Variants in LRRK1 observed in about 807,000 individuals in gnomAD.
LRRK1 encodes the protein leucine-rich repeat serine/threonine-protein kinase 1.
A neutral mutation model predicts 209.1 loss-of-function variants in LRRK1; 113 were observed. The observed-to-expected ratio is 0.54, with a 90% CI of 0.46 to 0.63. The LOEUF (loss-of-function observed/expected upper bound fraction) is 0.63, where lower values mean the gene tolerates loss of function less well. Ranked by LOEUF, LRRK1 falls within the 30% of genes least tolerant of loss-of-function variation. The probability of loss-of-function intolerance (pLI) is 0.00; values close to 1 mark genes in which losing one functional copy is unlikely to be tolerated. For synonymous variants in LRRK1, 1,144 were observed against 1,099.7 expected (o/e 1.04, Z -0.80); for missense variants, 2,284 against 2,632.2 (o/e 0.87, Z 2.89).
At chr15:101,021,753 GC>G in intron 13 of LRRK1, 91 bp from the exon 14 acceptor site, 1 of 860,844 alleles carries the variant, frequency 1.2e-6, no homozygotes, top group Admixed American at 2.3e-5. Context: ...GGCTGCAGAG[GC>G]TGACAGGAGC....
chr15:101,022,155 C>T lies in LRRK1; in HGVS notation c.1852+198C>T, dbSNP rs1398102489. On this transcript the variant is annotated intron_variant, in intron 14 of 33. Coordinates refer to ENST00000388948, the MANE Select transcript of LRRK1 (RefSeq NM_024652.6). The surrounding 1 kb of genome is among the most constrained non-coding windows in gnomAD (Gnocchi z 4.0). ...CTATACTGAGAAGGACCAGGTGATA[C>T]AACTGTGACCTCCTGGGCAGCAAGG... Among the ~76,000 whole-genome samples, 3 of 152,206 alleles carry T rather than the reference C, an allele frequency of 2.0e-5. No individual in the cohort carries two copies. The highest frequency in any genetic ancestry group is 4.4e-5 in the Non-Finnish European group (3 of 68,030).
At chr15:101,060,762 A>G (rs1360392006) in intron 29 of LRRK1, among the ~76,000 whole-genome samples, 1 of 151,334 alleles carries the variant, frequency 6.6e-6, no homozygotes, top group Non-Finnish European at 1.5e-5. Context: ...TCGTGCTGGG[A>G]GCACATTTTG....
In LRRK1 at chr15:100,924,074, G is replaced by A. The variant is rs568017473; in HGVS notation, c.-122-437G>A. 2.0e-4 allele frequency among the ~76,000 whole-genome samples: 30 copies of A among 152,308 alleles called. No individual in the cohort carries two copies. The South Asian group carries it at 5.2e-3, about 26-fold the overall frequency. On this transcript the variant is annotated intron_variant, in intron 1 of 33. Transcript: ENST00000388948. ...TCTGGCTTCCAGAAGAACTGGCCCC[G>A]GGCAAAAGGAGAGCCTTGTATCGTG...
chr15:101,012,889 C>T (rs1046686000), intron 10 of LRRK1, among the ~76,000 whole-genome samples: 9 of 151,166 alleles, frequency 6.0e-5, no homozygotes, highest in East Asian at 2.0e-4. Context: ...AGGAGCCACG[C>T]GGGGTGCCCC....
chr15:101,011,447 G>A (rs546046656), intron 9 of LRRK1, among the ~76,000 whole-genome samples: 1 of 147,618 alleles, frequency 6.8e-6, no homozygotes, highest in Admixed American at 6.9e-5. Flanking sequence ...TTGCACTCCA[G>A]TCTGGTGACA....
chr15:100,953,747 A>G (rs1162718506), intron 2 of LRRK1, among the ~76,000 whole-genome samples: 1 of 152,040 alleles, frequency 6.6e-6, no homozygotes, highest in Non-Finnish European at 1.5e-5. Context: ...TAATTTTTTG[A>G]GGAGCCTTCA....
At chr15:101,028,570 C>T (rs2034145974) in intron 19 of LRRK1, among the ~76,000 whole-genome samples, 1 of 152,254 alleles carries the variant, frequency 6.6e-6, no homozygotes, top group South Asian at 2.1e-4. Context: ...TCCTGTTCAG[C>T]CTCCGCTGGC....
chr15:100,925,452 A>G (rs2042093206), intron 2 of LRRK1, among the ~76,000 whole-genome samples: 1 of 152,206 alleles, frequency 6.6e-6, no homozygotes, highest in South Asian at 2.1e-4. Context: ...CCTGTGGGAC[A>G]TTTGGGTTGC....
At chr15:101,049,842 G>A (rs749687497) in intron 23 of LRRK1, 59 bp downstream of exon 23, 65 of 1,554,704 alleles carry the variant, frequency 4.2e-5, no homozygotes, top group African/African-American at 5.5e-5. Flanking sequence ...ATGAATCAGG[G>A]TGGGGCTGCT....
chr15:101,071,802 C>T lies in LRRK1; in HGVS notation c.*2954C>T, dbSNP rs897114208. ...CCAGTTGGGCAATTCGTGGCTTGGC[C>T]TAGGAACGTTACATTTGACTGAGGC... On this transcript the variant is annotated 3_prime_UTR_variant, in exon 34 of 34. Coordinates refer to ENST00000388948, the MANE Select transcript of LRRK1 (RefSeq NM_024652.6). 2 of 152,388 alleles carry T rather than the reference C, an allele frequency of 1.3e-5. No homozygotes were observed. The highest frequency in any genetic ancestry group is 4.8e-5 in the African/African-American group (2 of 41,588). 9.4% of individuals were successfully genotyped at this position (152,388 alleles called of 1,614,324 possible).
chr15:100,980,758 A>C (rs1399679536), intron 3 of LRRK1, among the ~76,000 whole-genome samples: 1 of 152,212 alleles, frequency 6.6e-6, no homozygotes, highest in Non-Finnish European at 1.5e-5. Context: ...AACTGGCAAT[A>C]GTTAATCTGT....
intron 1 of LRRK1, 133 bp from the exon 2 acceptor site, chr15:100,924,378 G>C: frequency 6.1e-6 from 3 of 489,406 alleles, no homozygotes; most frequent in Admixed American, 3.3e-5. Context: ...CACACCTGAT[G>C]GGTTTGGCTG....
At chr15:101,004,060 T>C (rs1014663369) in intron 6 of LRRK1, among the ~76,000 whole-genome samples, 4 of 152,190 alleles carry the variant, frequency 2.6e-5, no homozygotes, top group Admixed American at 2.6e-4. Context: ...GAACAAGCAG[T>C]TTCTGCACTT....
intron 2 of LRRK1, among the ~76,000 whole-genome samples, chr15:100,952,401 T>C (rs996665810): frequency 1.3e-5 from 2 of 152,244 alleles, no homozygotes; most frequent in African/African-American, 4.8e-5. Flanking sequence ...TGAGCCACAG[T>C]TAAAGGGGTT....
At chr15:101,037,915 C>T (rs2034562147) in intron 20 of LRRK1, among the ~76,000 whole-genome samples, 1 of 152,218 alleles carries the variant, frequency 6.6e-6, no homozygotes. Flanking sequence ...AAGATACTTG[C>T]ACACACATGT....
chr15:100,998,782 G>A (rs377416943), intron 6 of LRRK1, among the ~76,000 whole-genome samples: 11 of 151,944 alleles, frequency 7.2e-5, no homozygotes, highest in African/African-American at 2.7e-4. Context: ...GTAGACAGGT[G>A]GGTTGATGGT....
chr15:100,938,098 A>G (rs141611659), intron 2 of LRRK1, among the ~76,000 whole-genome samples: 1,699 of 151,854 alleles, frequency 0.011, 37 homozygotes, highest in African/African-American at 0.039. Flanking sequence ...AGCTCAAGCA[A>G]TCCACTTGCC....
intron 2 of LRRK1, among the ~76,000 whole-genome samples, chr15:100,935,199 C>A (rs1267283693): frequency 6.6e-6 from 1 of 152,130 alleles, no homozygotes; most frequent in Non-Finnish European, 1.5e-5. Flanking sequence ...CAGGAGTGAA[C>A]AGGGCCATGA....
In LRRK1 at chr15:101,056,432, G is replaced by T. The variant is rs561224537; in HGVS notation, c.4333-424G>T. The stretch of plus-strand genomic sequence containing the variant: ...TATTGGATGGAAGGATGGATCGATG[G>T]ATAGATGGATGGATGGGACAATGGG... On this transcript the variant is annotated intron_variant, in intron 27 of 33. Coordinates refer to ENST00000388948, the MANE Select transcript of LRRK1 (RefSeq NM_024652.6). Among the ~76,000 whole-genome samples, 179 of 152,328 alleles carry T rather than the reference G, an allele frequency of 1.2e-3. 2 individuals carry two copies. Among genetic ancestry groups the T allele is most frequent in the African/African-American group, 4.1e-3 (170 of 41,576 alleles).
Sources: gnomAD v4.1 joint callset for allele counts (sites outside exome capture counted in the v4.1 genomes callset) on GRCh38, gnomAD v4.1.1 for gene constraint, Gnocchi (gnomAD v3.1) non-coding constraint, MANE v1.5 for transcripts, NCBI Gene and HGNC (gene_info 2026-07-23, HGNC 2026-07-21) for gene names.